The following DYNC2H1 variants were observed in gnomAD, a reference collection of about 807,000 sequenced individuals.
DYNC2H1 encodes dynein cytoplasmic 2 heavy chain 1, also known as cytoplasmic dynein 2 heavy chain 1.
DYNC2H1 carries 410 observed loss-of-function variants against 570.0 expected under a neutral mutation model. The observed-to-expected ratio is 0.72, with a 90% CI of 0.66 to 0.78. The LOEUF (loss-of-function observed/expected upper bound fraction) is 0.78. Among genes scored for constraint, DYNC2H1 ranks in the 30% least tolerant of loss-of-function variants. The pLI, the probability that DYNC2H1 is intolerant of heterozygous loss-of-function variation, is 0.00. For missense variants in DYNC2H1, 4,865 were observed against 5,046.4 expected (o/e 0.96, Z 1.09); for synonymous variants, 1,688 against 1,677.6 (o/e 1.01, Z -0.15).
At chr11:103,192,385 T>G (rs998366842) in intron 47 of DYNC2H1, 121 bp downstream of exon 47, 13 of 729,304 alleles carry the variant, frequency 1.8e-5, no homozygotes, top group Admixed American at 3.9e-5. Context: ...TTTAATATTA[T>G]TTTTCCGTAA....
chr11:103,120,916 T>A lies in DYNC2H1; in HGVS notation c.1249-9T>A. On this transcript the variant is annotated splice_polypyrimidine_tract_variant and intron_variant, in intron 8 of 88. Transcript: ENST00000375735. ...GGGATGAACATGTACTTATTTTATT[T>A]TATATTAGCTTCTTCAAGCATTCCT... 7.0e-7 allele frequency: 1 copy of A among 1,434,540 alleles called. No individual in the cohort carries two copies. Among genetic ancestry groups the A allele is most frequent in the Non-Finnish European group, 9.2e-7 (1 of 1,090,114 alleles). The allele number at this position is 1,434,540 out of a possible 1,614,324, so 88.9% of individuals were successfully genotyped here.
chr11:103,111,887 T>G (rs1388365835), intron 1 of DYNC2H1, among the ~76,000 whole-genome samples: 1 of 152,166 alleles, frequency 6.6e-6, no homozygotes, highest in African/African-American at 2.4e-5. Flanking sequence ...TACCTACTAG[T>G]ACTGGGGACA....
intron 87 of DYNC2H1, among the ~76,000 whole-genome samples, chr11:103,468,091 G>A (rs1000606546): frequency 6.6e-6 from 1 of 152,066 alleles, no homozygotes; most frequent in Non-Finnish European, 1.5e-5. Context: ...TCTACACCAA[G>A]GTTACCTTAA....
chr11:103,175,534 T>A (rs1172770620), intron 36 of DYNC2H1, among the ~76,000 whole-genome samples: 1 of 152,208 alleles, frequency 6.6e-6, no homozygotes, highest in East Asian at 1.9e-4. Flanking sequence ...ATAGAGGAAA[T>A]GCCAGGCAAA....
In DYNC2H1 at chr11:103,423,408, T is replaced by TA. The variant is rs60223334; in HGVS notation, c.12367-12505dup. Among the ~76,000 whole-genome samples, 973 of 119,686 alleles carry TA rather than the reference T, an allele frequency of 8.1e-3. 25 individuals are homozygous for TA. The highest frequency in any genetic ancestry group is 0.013 in the Non-Finnish European group (651 of 50,984). 78.5% of individuals were successfully genotyped at this position (119,686 alleles called of 152,430 possible). On this transcript the variant is annotated intron_variant, in intron 84 of 88. Coordinates refer to ENST00000375735, the MANE Select transcript of DYNC2H1 (RefSeq NM_001377.3). ...ATTAAATAGCCAAAAGCCAAAAAAG[T>TA]AAAAAAAAAAAAAAAAAAAAAAAAA...
intron 76 of DYNC2H1, 51 bp from the exon 77 acceptor site, chr11:103,304,544 A>G: frequency 1.3e-6 from 2 of 1,578,392 alleles, no homozygotes; most frequent in South Asian, 1.2e-5. Context: ...TTATATTACA[A>G]CATGTTAGCA....
At chr11:103,166,882 A>G (rs1861329298) in intron 31 of DYNC2H1, among the ~76,000 whole-genome samples, 1 of 146,258 alleles carries the variant, frequency 6.8e-6, no homozygotes, top group South Asian at 2.2e-4. Context: ...TTTGGCTCTT[A>G]TTTCTTCAAA....
intron 87 of DYNC2H1, among the ~76,000 whole-genome samples, chr11:103,460,717 T>C (rs1944982078): frequency 6.6e-6 from 1 of 151,058 alleles, no homozygotes; most frequent in South Asian, 2.1e-4. Context: ...ACAATGAATA[T>C]ATATTTTCAT....
intron 84 of DYNC2H1, among the ~76,000 whole-genome samples, chr11:103,419,779 G>A (rs1943416503): frequency 6.6e-6 from 1 of 152,116 alleles, no homozygotes; most frequent in South Asian, 2.1e-4. Flanking sequence ...CTGGGCTGAG[G>A]CTGAGATGGC....
intron 83 of DYNC2H1, among the ~76,000 whole-genome samples, chr11:103,385,620 AG>A (rs1275662109): frequency 6.6e-6 from 1 of 152,224 alleles, no homozygotes; most frequent in Admixed American, 6.5e-5. Flanking sequence ...TATTAAATCC[AG>A]AGTCCTGGAG....
At chr11:103,132,194 T>A (rs2134763675) in intron 13 of DYNC2H1, among the ~76,000 whole-genome samples, 1 of 152,208 alleles carries the variant, frequency 6.6e-6, no homozygotes, top group South Asian at 2.1e-4. Flanking sequence ...TATTTTCTCT[T>A]TGTTGTTCAA....
At chr11:103,380,064 A>C (rs1003303451) in intron 83 of DYNC2H1, among the ~76,000 whole-genome samples, 1 of 152,246 alleles carries the variant, frequency 6.6e-6, no homozygotes, top group African/African-American at 2.4e-5. Context: ...ATAGTTAATT[A>C]CTAGCTAAAC....
intron 87 of DYNC2H1, among the ~76,000 whole-genome samples, chr11:103,457,688 A>G (rs984254417): frequency 7.9e-5 from 12 of 152,180 alleles, no homozygotes; most frequent in African/African-American, 2.9e-4. Flanking sequence ...AAAAGTGTTT[A>G]TGTTTAAAAC....
intron 82 of DYNC2H1, among the ~76,000 whole-genome samples, chr11:103,341,614 G>A (rs1304549580): frequency 6.6e-6 from 1 of 152,074 alleles, no homozygotes; most frequent in South Asian, 2.1e-4. Flanking sequence ...TTAATTTTTG[G>A]AGTATCTGTA....
chr11:103,266,850 G>C (rs1403126078), intron 70 of DYNC2H1, among the ~76,000 whole-genome samples: 2 of 152,146 alleles, frequency 1.3e-5, no homozygotes, highest in African/African-American at 4.8e-5. Context: ...CAGACCAAGG[G>C]GTGCTCAGGT....
In DYNC2H1 at chr11:103,479,172, T is replaced by C. The variant is rs1331623115; in HGVS notation, c.12843T>C (p.Val4281=). 6.2e-7 allele frequency: 1 copy of C among 1,613,852 alleles called. No homozygotes were observed. The highest frequency in any genetic ancestry group is 1.3e-5 in the African/African-American group (1 of 75,030). The change falls in exon 89 of 89, where the codon GTT becomes GTC. Residue 4281 remains valine (V), a synonymous_variant. Coordinates refer to ENST00000375735, the MANE Select transcript of DYNC2H1 (RefSeq NM_001377.3). The part of the protein sequence containing the change: ...VYTSAERDRV[V]TNIDVPCGGN... ...CAAGTGCTGAAAGGGATCGTGTGGT[T>C]ACCAATATTGATGTTCCATGTGGGG...
At chr11:103,226,130 T>A (rs895759081) in intron 59 of DYNC2H1, among the ~76,000 whole-genome samples, 4 of 152,194 alleles carry the variant, frequency 2.6e-5, no homozygotes, top group Non-Finnish European at 5.9e-5. Flanking sequence ...TTTAGGGGTT[T>A]CTAGGTATAT....
intron 84 of DYNC2H1, chr11:103,406,303 C>T (rs558686066): frequency 1.3e-5 from 2 of 151,930 alleles, no homozygotes; most frequent in African/African-American, 4.8e-5. Flanking sequence ...TTTGTGCTTT[C>T]GAATTGTCAT....
chr11:103,290,687 C>T (rs575403274), intron 75 of DYNC2H1, among the ~76,000 whole-genome samples: 11 of 152,262 alleles, frequency 7.2e-5, no homozygotes, highest in African/African-American at 2.6e-4. Context: ...CCCCCCTACT[C>T]CTATCTCTCT....
Sources: allele counts gnomAD v4.1 joint callset (sites outside exome capture counted in the v4.1 genomes callset), GRCh38; gene constraint gnomAD v4.1.1; transcripts MANE v1.5; gene names NCBI Gene and HGNC (gene_info 2026-07-23, HGNC 2026-07-21).